The following STOX1 variants were observed in gnomAD, a reference collection of about 807,000 sequenced individuals.
STOX1 encodes the protein storkhead box 1.
STOX1 carries 57 observed loss-of-function variants against 74.8 expected under a neutral mutation model. The ratio of observed to expected loss-of-function variants is 0.76; its 90% CI spans 0.62 to 0.95. STOX1 has a LOEUF of 0.95. STOX1 is among the 40% of genes least tolerant of loss of function. The pLI, the probability that STOX1 is intolerant of heterozygous loss-of-function variation, is 0.00. For missense variants in STOX1, 1,010 were observed against 1,117.0 expected, an observed-to-expected ratio of 0.90 and a Z score of 1.37; for synonymous variants, 375 against 401.3, an observed-to-expected ratio of 0.93 and a Z score of 0.78.
intron 1 of STOX1, among the ~76,000 whole-genome samples, chr10:68,872,654 C>T (rs1840564970): frequency 6.6e-6 from 1 of 152,104 alleles, no homozygotes; most frequent in African/African-American, 2.4e-5. Context: ...GTCTAGGATT[C>T]ATTTTTTTCT....
intron 1 of STOX1, among the ~76,000 whole-genome samples, chr10:68,860,686 C>T (rs909260644): frequency 4.0e-5 from 6 of 150,788 alleles, no homozygotes; most frequent in Admixed American, 6.6e-5. Flanking sequence ...TAGAGGAAGG[C>T]GAGGGAAAAT....
At chr10:68,858,250 C>T (rs746584628) in intron 1 of STOX1, among the ~76,000 whole-genome samples, 2 of 152,076 alleles carry the variant, frequency 1.3e-5, no homozygotes, top group Non-Finnish European at 2.9e-5. Context: ...AAGCAGAAGT[C>T]GGGTGACCCT....
chr10:68,884,950 A>G lies in STOX1; in HGVS notation c.1154A>G (p.Glu385Gly), dbSNP rs775065702. The change falls in exon 3 of 4, where the codon GAA becomes GGA. Residue 385 changes from glutamate to glycine, a missense_variant. Coordinates refer to ENST00000298596, the MANE Select transcript of STOX1 (RefSeq NM_152709.5). ...CACACTGTCCTAATGCAAAAATACG[A>G]AGAACAGAAAAAATATAATAGCCAG... ...IKHTVLMQKY[E>G]EQKKYNSQGT... The G allele has an allele frequency of 1.1e-5, 18 of 1,614,152 alleles. No homozygotes were observed. The highest frequency in any genetic ancestry group is 6.7e-5 in the Admixed American group (4 of 59,990).
chr10:68,874,850 C>T (rs1840637677), intron 1 of STOX1, among the ~76,000 whole-genome samples: 1 of 152,118 alleles, frequency 6.6e-6, no homozygotes, highest in African/African-American at 2.4e-5. Flanking sequence ...GTTCAGTTAA[C>T]CCTCCAAGGG....
At chr10:68,865,727 G>A (rs1020599272) in intron 1 of STOX1, among the ~76,000 whole-genome samples, 19 of 152,282 alleles carry the variant, frequency 1.2e-4, no homozygotes, top group African/African-American at 4.1e-4. Flanking sequence ...TGCCCCCTAG[G>A]TTGTATAACT....
chr10:68,863,917 C>G (rs1382275706), intron 1 of STOX1, among the ~76,000 whole-genome samples: 7 of 140,026 alleles, frequency 5.0e-5, no homozygotes, highest in African/African-American at 5.9e-5. Flanking sequence ...ACAAGTTCTG[C>G]TTGTTTTTTT....
Position 68,885,395 on chromosome 10 carries a change from G to T in STOX1, c.1599G>T (p.Lys533Asn). 6.2e-7 allele frequency: 1 copy of T among 1,614,172 alleles called. No individual in the cohort carries two copies. The highest frequency in any genetic ancestry group is 8.5e-7 in the Non-Finnish European group (1 of 1,180,042). Residue 533 changes from lysine to asparagine, a missense_variant, in exon 3 of 4, where the codon AAG becomes AAT. Coordinates refer to ENST00000298596, the MANE Select transcript of STOX1 (RefSeq NM_152709.5). ...QTGPKEKPFQ[K>N]PRSLDSSRIF... ...GACCAAAGGAAAAGCCTTTCCAAAA[G>T]CCTAGGTCCTTGGATTCCTCAAGAA...
At chr10:68,861,867 C>T (rs748631989) in intron 1 of STOX1, among the ~76,000 whole-genome samples, 3 of 151,956 alleles carry the variant, frequency 2.0e-5, no homozygotes, top group Non-Finnish European at 4.4e-5. Flanking sequence ...GTAGAGTGTC[C>T]TTCTAGATGC....
intron 1 of STOX1, among the ~76,000 whole-genome samples, chr10:68,874,323 G>A (rs949970807): frequency 4.6e-5 from 7 of 151,902 alleles, no homozygotes; most frequent in Non-Finnish European, 7.4e-5. Context: ...CCTGACCTGC[G>A]TTCTTTGTTC....
At chr10:68,833,494 A>G (rs2133487346) in intron 1 of STOX1, among the ~76,000 whole-genome samples, 1 of 152,212 alleles carries the variant, frequency 6.6e-6, no homozygotes, top group Non-Finnish European at 1.5e-5. Context: ...TGTCCCTTTT[A>G]AGGGCTCACA....
intron 3 of STOX1, among the ~76,000 whole-genome samples, chr10:68,891,864 G>T (rs571263981): frequency 1.4e-4 from 22 of 151,828 alleles, no homozygotes; most frequent in Non-Finnish European, 2.5e-4. Flanking sequence ...CTGTTGCTGA[G>T]GCTGGAGTGT....
intron 3 of STOX1, among the ~76,000 whole-genome samples, chr10:68,889,693 A>T (rs1292723980): frequency 6.6e-6 from 1 of 152,042 alleles, no homozygotes; most frequent in Non-Finnish European, 1.5e-5. Flanking sequence ...TCTCCCAAAT[A>T]GCTGGGATTA....
intron 1 of STOX1, among the ~76,000 whole-genome samples, chr10:68,866,851 G>A (rs1008920437): frequency 6.6e-6 from 1 of 152,134 alleles, no homozygotes; most frequent in African/African-American, 2.4e-5. Flanking sequence ...GGTTTGGAAC[G>A]GGGCCCAGGA....
rs370440349 is a variant in STOX1, at chr10:68,876,387, C to A, written c.311-5571C>A. On this transcript the variant is annotated intron_variant, in intron 1 of 3. Coordinates refer to ENST00000298596, the MANE Select transcript of STOX1 (RefSeq NM_152709.5). ...GTCAGGCTGGTCTCGAACTCCCGAC[C>A]TCAGGTGATCCGCCCCCCTCAGCCT... 1.6e-4 allele frequency among the ~76,000 whole-genome samples: 25 copies of A among 152,046 alleles called. No individual in the cohort carries two copies. In the East Asian group the frequency reaches 4.6e-3, roughly 28 times the overall value.
intron 1 of STOX1, among the ~76,000 whole-genome samples, chr10:68,854,318 G>A (rs1589223789): frequency 1.3e-5 from 2 of 151,050 alleles, no homozygotes; most frequent in East Asian, 2.0e-4. Context: ...TTGAGACAAG[G>A]TCTCTTTCTG....
intron 1 of STOX1, among the ~76,000 whole-genome samples, chr10:68,865,038 G>A (rs192481346): frequency 1.6e-4 from 25 of 152,236 alleles, no homozygotes; most frequent in African/African-American, 4.8e-4. Context: ...TAATTAAACC[G>A]GCACAAGAAA....
At chr10:68,875,302 G>A (rs990037334) in intron 1 of STOX1, among the ~76,000 whole-genome samples, 2 of 152,156 alleles carry the variant, frequency 1.3e-5, no homozygotes, top group Admixed American at 1.3e-4. Context: ...TTTTCATTTT[G>A]CTAATGTTTC....
intron 1 of STOX1, among the ~76,000 whole-genome samples, chr10:68,829,202 C>T (rs1262132162): frequency 6.6e-6 from 1 of 152,210 alleles, no homozygotes; most frequent in African/African-American, 2.4e-5. Flanking sequence ...TGGCCAGGCG[C>T]GGTGGCGCTC....
chr10:68,889,123 G>A (rs2132004548), intron 3 of STOX1, among the ~76,000 whole-genome samples: 1 of 151,908 alleles, frequency 6.6e-6, no homozygotes, highest in Non-Finnish European at 1.5e-5. Context: ...TTGGATTATA[G>A]GCACATGCTA....
Sources: gnomAD v4.1 joint callset for allele counts (sites outside exome capture counted in the v4.1 genomes callset) on GRCh38, gnomAD v4.1.1 for gene constraint, MANE v1.5 for transcripts, NCBI Gene and HGNC (gene_info 2026-07-23, HGNC 2026-07-21) for gene names.